The following LEPR variants were observed in gnomAD, a reference collection of about 807,000 sequenced individuals.
LEPR encodes the protein OB receptor.
LEPR carries 56 observed loss-of-function variants against 114.7 expected under a neutral mutation model. The ratio of observed to expected loss-of-function variants is 0.49; its 90% CI spans 0.39 to 0.61. LEPR has a LOEUF of 0.61. LEPR is among the 20% of genes least tolerant of loss of function. The pLI, the probability that LEPR is intolerant of heterozygous loss-of-function variation, is 0.00. For missense variants in LEPR, 1,202 were observed against 1,352.9 expected (o/e 0.89, Z 1.75); for synonymous variants, 443 against 461.4 (o/e 0.96, Z 0.51).
At chr1:65,634,540 A>G (rs1658647673) in intron 19 of LEPR, 2 of 943,454 alleles carry the variant, frequency 2.1e-6, no homozygotes, top group African/African-American at 3.5e-5. Flanking sequence ...GTATATGAGT[A>G]TGAGATTTCT....
chr1:65,442,699 T>A (rs899966430), intron 2 of LEPR, among the ~76,000 whole-genome samples: 6 of 152,228 alleles, frequency 3.9e-5, no homozygotes, highest in African/African-American at 1.4e-4. Flanking sequence ...TTACAATATA[T>A]ACACTCAATA....
At chr1:65,581,805 A>G (rs758768792) in intron 5 of LEPR, among the ~76,000 whole-genome samples, 21 of 152,178 alleles carry the variant, frequency 1.4e-4, no homozygotes, top group Non-Finnish European at 2.9e-4. Flanking sequence ...ACTTGCTGGA[A>G]ATCTCCTTAA....
intron 2 of LEPR, among the ~76,000 whole-genome samples, chr1:65,494,990 T>C (rs1021489229): frequency 1.3e-5 from 2 of 152,088 alleles, no homozygotes; most frequent in Non-Finnish European, 2.9e-5. Flanking sequence ...CTTTAGGATG[T>C]TGGTCTGGGC....
intron 19 of LEPR, among the ~76,000 whole-genome samples, chr1:65,630,943 G>C (rs190642006): frequency 6.6e-6 from 1 of 151,974 alleles, no homozygotes; most frequent in East Asian, 1.9e-4. Context: ...CTTCTAGGTC[G>C]TGTGTTCCTG....
At chr1:65,435,741 G>C (rs1441153616) in intron 2 of LEPR, 1 of 985,148 alleles carries the variant, frequency 1.0e-6, no homozygotes, top group East Asian at 1.1e-4. Context: ...GAGGATGCTA[G>C]CATTTTCCAA....
intron 2 of LEPR, among the ~76,000 whole-genome samples, chr1:65,514,899 A>G (rs1203374180): frequency 1.3e-5 from 2 of 152,272 alleles, no homozygotes; most frequent in Non-Finnish European, 2.9e-5. Context: ...TTAATAAGAC[A>G]TAACATTTGC....
At chr1:65,578,263 C>T in intron 5 of LEPR, 1 of 219,818 alleles carries the variant, frequency 4.5e-6, no homozygotes, top group Admixed American at 4.5e-5. Flanking sequence ...TGGATGAGCA[C>T]ATTCTTAAGT....
chr1:65,544,807 T>TTTA lies in LEPR; in HGVS notation c.-20-20725_-20-20723dup, dbSNP rs1195008154. On this transcript the variant is annotated intron_variant, in intron 2 of 19. Coordinates refer to ENST00000349533, the MANE Select transcript of LEPR (RefSeq NM_002303.6). Reference sequence around the variant, plus strand: ...ATAAACTTTATTTTATTTTATTTTATTTATTATTATTATTATACTTTAAGT... The same window carrying TTTA: ...ATAAACTTTATTTTATTTTATTTTATTTATTATTATTATTATTATACTTTAAGT... Among the ~76,000 whole-genome samples, 185 of 151,066 alleles carry TTTA rather than the reference T, an allele frequency of 1.2e-3. 2 individuals are homozygous for TTTA. The highest frequency in any genetic ancestry group is 3.4e-3 in the Middle Eastern group (1 of 292).
At chr1:65,460,075 A>G (rs772380685) in intron 2 of LEPR, among the ~76,000 whole-genome samples, 2 of 140,246 alleles carry the variant, frequency 1.4e-5, no homozygotes, top group African/African-American at 2.7e-5. Context: ...TTTTTTTACT[A>G]TGTTCTTATC....
At chr1:65,429,862 C>A in intron 2 of LEPR, 1 of 1,465,734 alleles carries the variant, frequency 6.8e-7, no homozygotes, top group Non-Finnish European at 9.2e-7. Context: ...CAACTGACAG[C>A]GTTTACTGGC....
At chr1:65,487,320 G>T (rs984317279) in intron 2 of LEPR, among the ~76,000 whole-genome samples, 1 of 152,062 alleles carries the variant, frequency 6.6e-6, no homozygotes, top group Non-Finnish European at 1.5e-5. Flanking sequence ...ATAAAAGCTC[G>T]TAAGCTCTGA....
chr1:65,613,774 A>C (rs902096882), intron 14 of LEPR, among the ~76,000 whole-genome samples: 5 of 150,642 alleles, frequency 3.3e-5, no homozygotes, highest in African/African-American at 9.8e-5. Flanking sequence ...AAAAAAAAAA[A>C]AAAAAAAACC....
At chr1:65,433,242 T>C (rs746839035) in intron 2 of LEPR, 147 of 985,368 alleles carry the variant, frequency 1.5e-4, no homozygotes, top group Middle Eastern at 5.2e-4. Context: ...CGAAGAGATA[T>C]AGGAGCCATG....
intron 5 of LEPR, among the ~76,000 whole-genome samples, chr1:65,585,779 T>C (rs1317728955): frequency 6.6e-6 from 1 of 151,990 alleles, no homozygotes; most frequent in East Asian, 1.9e-4. Flanking sequence ...CTTTTAAAAT[T>C]TGATGATCCT....
intron 5 of LEPR, chr1:65,577,262 A>C (rs932556840): frequency 6.5e-6 from 1 of 154,298 alleles, no homozygotes; most frequent in Non-Finnish European, 1.5e-5. Context: ...TCTTCCTTGA[A>C]TCAATCCCTC....
chr1:65,541,432 T>C (rs548474755), intron 2 of LEPR, among the ~76,000 whole-genome samples: 7 of 152,278 alleles, frequency 4.6e-5, no homozygotes, highest in Non-Finnish European at 7.4e-5. Flanking sequence ...ATGTGACAAG[T>C]TCACACAGAG....
At chr1:65,546,149 T>A (rs990012476) in intron 2 of LEPR, among the ~76,000 whole-genome samples, 3 of 152,236 alleles carry the variant, frequency 2.0e-5, no homozygotes, top group African/African-American at 7.2e-5. Context: ...AGGGCTCTGT[T>A]CTATTCCATT....
At chr1:65,549,736 A>T (rs924261837) in intron 2 of LEPR, among the ~76,000 whole-genome samples, 6 of 152,258 alleles carry the variant, frequency 3.9e-5, no homozygotes, top group Admixed American at 3.9e-4. Context: ...CAAAGTTTTC[A>T]ACTTCTTTGC....
intron 2 of LEPR, among the ~76,000 whole-genome samples, chr1:65,491,600 C>T (rs1355187811): frequency 6.6e-6 from 1 of 150,538 alleles, no homozygotes; most frequent in African/African-American, 2.5e-5. Context: ...GCGCTTTCTC[C>T]TCTGATTTTC....
Sources: allele counts gnomAD v4.1 joint callset (sites outside exome capture counted in the v4.1 genomes callset), GRCh38; gene constraint gnomAD v4.1.1; transcripts MANE v1.5; gene names NCBI Gene and HGNC (gene_info 2026-07-23, HGNC 2026-07-21).